PPP2R2B: variants seen among roughly 807,000 people sequenced by gnomAD.
PPP2R2B encodes serine/threonine-protein phosphatase 2A 55 kDa regulatory subunit B beta isoform.
In PPP2R2B, 5 loss-of-function variants were observed where a neutral mutation model predicts 46.0. The observed-to-expected ratio is 0.11, with a 90% CI of 0.06 to 0.23. The LOEUF (loss-of-function observed/expected upper bound fraction) is 0.23, where lower values mean the gene tolerates loss of function less well. PPP2R2B is among the 10% of genes least tolerant of loss of function. The probability of loss-of-function intolerance (pLI) is 1.00; values close to 1 mark genes in which losing one functional copy is unlikely to be tolerated. For synonymous variants in PPP2R2B, 215 were observed against 206.7 expected (o/e 1.04, Z -0.34); for missense variants, 367 against 575.0 (o/e 0.64, Z 3.70).
intron 2 of PPP2R2B, among the ~76,000 whole-genome samples, chr5:146,876,395 T>C (rs553543505): frequency 6.6e-6 from 1 of 151,024 alleles, no homozygotes; most frequent in African/African-American, 2.4e-5. Context: ...TAATGTAATA[T>C]ACAAGAAAAC....
intron 1 of PPP2R2B, among the ~76,000 whole-genome samples, chr5:146,911,375 G>C (rs319169): frequency 0.5 from 75,230 of 151,948 alleles, 20,852 homozygotes; most frequent in African/African-American, 0.73. Flanking sequence ...AGCCACGGTG[G>C]CCAGCCTCTT....
At chr5:146,833,965 T>C (rs1434468610) in intron 2 of PPP2R2B, among the ~76,000 whole-genome samples, 1 of 152,194 alleles carries the variant, frequency 6.6e-6, no homozygotes, top group African/African-American at 2.4e-5. Context: ...GACTGCCACT[T>C]CCATGCACAT....
At chr5:146,725,270 C>A (rs1751793117) in intron 2 of PPP2R2B, among the ~76,000 whole-genome samples, 1 of 152,038 alleles carries the variant, frequency 6.6e-6, no homozygotes, top group South Asian at 2.1e-4. Flanking sequence ...TGCTTTCATG[C>A]TAAATATATT....
chr5:146,985,605 G>C, intron 1 of PPP2R2B, among the ~76,000 whole-genome samples: 1 of 152,054 alleles, frequency 6.6e-6, no homozygotes, highest in East Asian at 1.9e-4. Flanking sequence ...TAAGCCCACG[G>C]CTAACATTAT....
chr5:147,007,669 C>T (rs765240919), intron 1 of PPP2R2B, among the ~76,000 whole-genome samples: 43 of 152,148 alleles, frequency 2.8e-4, no homozygotes, highest in Admixed American at 7.2e-4. Context: ...ACACTCACTG[C>T]GAAGGTCTGT....
At chr5:146,825,861 T>A (rs977971835) in intron 2 of PPP2R2B, among the ~76,000 whole-genome samples, 1 of 152,220 alleles carries the variant, frequency 6.6e-6, no homozygotes, top group African/African-American at 2.4e-5. Flanking sequence ...GTTGTTGGTA[T>A]CACATGTAGT....
At chr5:147,040,659 T>G in intron 1 of PPP2R2B, 1 of 414,936 alleles carries the variant, frequency 2.4e-6, no homozygotes, top group East Asian at 7.1e-5. Context: ...ACATGTAACA[T>G]ATACCCTGGC....
intron 5 of PPP2R2B, among the ~76,000 whole-genome samples, chr5:146,686,204 G>T (rs905387852): frequency 2.6e-5 from 4 of 152,200 alleles, no homozygotes; most frequent in Non-Finnish European, 5.9e-5. Flanking sequence ...GATTGTTCCA[G>T]GTGCCGGAGT....
intron 1 of PPP2R2B, among the ~76,000 whole-genome samples, chr5:146,941,931 C>A (rs1377216673): frequency 1.3e-5 from 2 of 152,120 alleles, no homozygotes; most frequent in Non-Finnish European, 2.9e-5. Context: ...AGAGGAGAAC[C>A]TTTTATTGCT....
At chr5:146,637,454 G>T (rs1173571071) in intron 7 of PPP2R2B, among the ~76,000 whole-genome samples, 1 of 152,166 alleles carries the variant, frequency 6.6e-6, no homozygotes, top group Non-Finnish European at 1.5e-5. Flanking sequence ...ATTCAATGGT[G>T]TACTGTTAAG....
intron 1 of PPP2R2B, among the ~76,000 whole-genome samples, chr5:146,900,945 C>T (rs1762816240): frequency 6.6e-6 from 1 of 152,132 alleles, no homozygotes; most frequent in Non-Finnish European, 1.5e-5. Flanking sequence ...ATCCATCCCC[C>T]TGCAAAGGAC....
intron 5 of PPP2R2B, among the ~76,000 whole-genome samples, chr5:146,674,134 C>T (rs1777557618): frequency 6.6e-6 from 1 of 152,138 alleles, no homozygotes; most frequent in South Asian, 2.1e-4. Flanking sequence ...GAGCTAGCTA[C>T]ATATTATTGA....
chr5:146,749,896 C>A (rs1398706672), intron 2 of PPP2R2B, among the ~76,000 whole-genome samples: 1 of 152,054 alleles, frequency 6.6e-6, no homozygotes, highest in Non-Finnish European at 1.5e-5. Context: ...CTGCGCCTGG[C>A]CAATTTCCTT....
chr5:146,675,965 T>C (rs557738835), intron 5 of PPP2R2B, among the ~76,000 whole-genome samples: 21 of 152,076 alleles, frequency 1.4e-4, no homozygotes, highest in African/African-American at 4.3e-4. Context: ...CTTTGTGTAA[T>C]AGGGAGCTGT....
At chr5:146,899,166 C>G (rs2151433648) in intron 1 of PPP2R2B, among the ~76,000 whole-genome samples, 1 of 147,686 alleles carries the variant, frequency 6.8e-6, no homozygotes, top group Non-Finnish European at 1.5e-5. Context: ...TATAAAGACA[C>G]ATGCACACGT....
At chr5:146,759,025 C>T (rs1423106526) in intron 2 of PPP2R2B, among the ~76,000 whole-genome samples, 2 of 152,062 alleles carry the variant, frequency 1.3e-5, no homozygotes, top group Non-Finnish European at 2.9e-5. Flanking sequence ...CAAAAACTTA[C>T]TTATTTTATT....
intron 1 of PPP2R2B, among the ~76,000 whole-genome samples, chr5:146,968,840 A>G (rs1752548006): frequency 6.6e-6 from 1 of 152,236 alleles, no homozygotes; most frequent in East Asian, 1.9e-4. Flanking sequence ...ACATGAATGT[A>G]TATCATCTCA....
chr5:146,647,102 T>G (rs1186599310), intron 6 of PPP2R2B, among the ~76,000 whole-genome samples: 1 of 149,832 alleles, frequency 6.7e-6, no homozygotes, highest in Non-Finnish European at 1.5e-5. Context: ...TAACCATATC[T>G]CCAGATCCCT....
chr5:146,900,836 C>T (rs1202431352), intron 1 of PPP2R2B, among the ~76,000 whole-genome samples: 1 of 151,712 alleles, frequency 6.6e-6, no homozygotes, highest in Non-Finnish European at 1.5e-5. Context: ...TATTGTTCCC[C>T]TCCCTGTGTT....
Sources: gnomAD v4.1 joint callset for allele counts (sites outside exome capture counted in the v4.1 genomes callset) on GRCh38, gnomAD v4.1.1 for gene constraint, MANE v1.5 for transcripts, NCBI Gene and HGNC (gene_info 2026-07-23, HGNC 2026-07-21) for gene names.